ANK3: variants seen among roughly 807,000 people sequenced by gnomAD.
ANK3 encodes ankyrin 3.
ANK3 carries 57 observed loss-of-function variants against 370.9 expected under a neutral mutation model. The ratio of observed to expected loss-of-function variants is 0.15; its 90% CI spans 0.12 to 0.19. The LOEUF is 0.19. ANK3 is among the 10% of genes least tolerant of loss of function. The pLI is 1.00. For missense variants in ANK3, 4,439 were observed against 5,302.1 expected, an observed-to-expected ratio of 0.84 and a Z score of 5.06; for synonymous variants, 1,929 against 1,946.3, an observed-to-expected ratio of 0.99 and a Z score of 0.23.
At chr10:60,265,225 C>T (rs940792168) in intron 5 of ANK3, among the ~76,000 whole-genome samples, 6 of 152,080 alleles carry the variant, frequency 3.9e-5, no homozygotes, top group South Asian at 2.1e-4. Context: ...AAAAACTTAT[C>T]CCTCCTCATT....
intron 2 of ANK3, among the ~76,000 whole-genome samples, chr10:60,468,852 A>C (rs1358738252): frequency 6.6e-6 from 1 of 150,402 alleles, no homozygotes; most frequent in Non-Finnish European, 1.5e-5. Flanking sequence ...TGAAATACTG[A>C]GACAGACTTG....
In ANK3 at chr10:60,068,937, C is replaced by G. The variant is rs1395857885; in HGVS notation, c.11944G>C (p.Val3982Leu). 1 of 1,613,956 alleles carries G rather than the reference C, an allele frequency of 6.2e-7. No homozygotes were observed. Among genetic ancestry groups the G allele is most frequent in the South Asian group, 1.1e-5 (1 of 91,060 alleles). The change falls in exon 37 of 44, where the codon GTT becomes CTT. Residue 3982 changes from valine to leucine, a missense_variant. This residue lies in a region of ANK3 where 496 missense variants were observed against 529.3 expected (regional missense o/e 0.94). Transcript: ENST00000280772. ...TTTTTTTSCT[V>L]KVRKSQLKEV... The stretch of plus-strand genomic sequence containing the variant: ...TTGAGCTGACTTTTCCTAACTTTAA[C>G]TGTGCAGCTGGTGGTGGTGGTAGTG...
chr10:60,214,377 A>C (rs527299457), intron 8 of ANK3, among the ~76,000 whole-genome samples: 2 of 152,232 alleles, frequency 1.3e-5, no homozygotes, highest in African/African-American at 4.8e-5. Flanking sequence ...TTGTCTTTAA[A>C]ATCTTTTTGA....
intron 1 of ANK3, among the ~76,000 whole-genome samples, chr10:60,321,317 G>A (rs753673636): frequency 5.9e-5 from 9 of 151,328 alleles, no homozygotes; most frequent in African/African-American, 2.2e-4. Flanking sequence ...GAACTTGGCC[G>A]CTCAAGGCTA....
intron 1 of ANK3, among the ~76,000 whole-genome samples, chr10:60,346,564 C>T (rs1356814212): frequency 6.6e-6 from 1 of 151,856 alleles, no homozygotes; most frequent in African/African-American, 2.4e-5. Flanking sequence ...AATAAACCTC[C>T]CATGTTAAGG....
intron 2 of ANK3, among the ~76,000 whole-genome samples, chr10:60,435,695 CACTAATCT>C: frequency 6.6e-6 from 1 of 152,338 alleles, no homozygotes; most frequent in South Asian, 2.1e-4. Context: ...CCTGGTCAAC[CACTAATCT>C]ACTTTCTGTC....
chr10:60,062,985 G>T, intron 40 of ANK3, 126 bp downstream of exon 40: 1 of 964,724 alleles, frequency 1.0e-6, no homozygotes, highest in Non-Finnish European at 1.5e-6. Flanking sequence ...GCAGACTCTG[G>T]CAGAGAAAAT....
intron 28 of ANK3, among the ~76,000 whole-genome samples, chr10:60,103,719 C>A (rs1275400146): frequency 6.6e-6 from 1 of 152,142 alleles, no homozygotes; most frequent in Non-Finnish European, 1.5e-5. Context: ...TAGTGGACTC[C>A]AGTACTTGAT....
intron 2 of ANK3, among the ~76,000 whole-genome samples, chr10:60,514,632 C>A (rs1324323887): frequency 1.3e-5 from 2 of 152,006 alleles, no homozygotes; most frequent in Admixed American, 6.6e-5. Flanking sequence ...ATAGGAAAAA[C>A]ACAAAGCAAA....
At chr10:60,660,813 C>T (rs760247560) in intron 1 of ANK3, among the ~76,000 whole-genome samples, 3 of 151,886 alleles carry the variant, frequency 2.0e-5, no homozygotes, top group Non-Finnish European at 4.4e-5. Flanking sequence ...ATTGTATGAG[C>T]TCAACAGTGT....
At chr10:60,465,589 A>G (rs1019843633) in intron 2 of ANK3, among the ~76,000 whole-genome samples, 58 of 152,304 alleles carry the variant, frequency 3.8e-4, no homozygotes, top group African/African-American at 1.3e-3. Flanking sequence ...TGAGTAAGAA[A>G]GTGTGACTAG....
At position 60,088,328 on chromosome 10, in the gene ANK3, T is replaced by C; in HGVS notation, c.3359A>G (p.Lys1120Arg). The C allele has an allele frequency of 1.2e-6, 2 of 1,614,104 alleles. No homozygotes were observed. Among genetic ancestry groups the C allele is most frequent in the Non-Finnish European group, 1.7e-6 (2 of 1,179,948 alleles). Residue 1120 changes from lysine (K) to arginine (R), a missense_variant, in exon 29 of 44, where the codon AAG becomes AGG. Physicochemically the swap from Lys to Arg is conservative, Grantham distance 26. Transcript: ENST00000280772. ...TTTCGTGATAATCCTGCAGATACGC[T>C]TTTTCCCTAACTCTTCTGGGCTATC... is the stretch of plus-strand genomic sequence containing the variant. ...ELDSPEELGKKRICRIITKDF... is the reference protein window; with the variant it reads ...ELDSPEELGKRRICRIITKDF...
At chr10:60,532,776 G>A (rs2076636202) in intron 2 of ANK3, among the ~76,000 whole-genome samples, 1 of 152,236 alleles carries the variant, frequency 6.6e-6, no homozygotes, top group African/African-American at 2.4e-5. Flanking sequence ...TGATCACCAA[G>A]TATAATAAAT....
intron 1 of ANK3, among the ~76,000 whole-genome samples, chr10:60,292,354 T>C (rs1226373830): frequency 6.6e-6 from 1 of 151,904 alleles, no homozygotes; most frequent in Non-Finnish European, 1.5e-5. Flanking sequence ...TAGTAATATC[T>C]TGCTCTGGAA....
At chr10:60,306,268 C>T (rs1376316841) in intron 1 of ANK3, among the ~76,000 whole-genome samples, 1 of 151,994 alleles carries the variant, frequency 6.6e-6, no homozygotes, top group Non-Finnish European at 1.5e-5. Flanking sequence ...TTGTGTCCAT[C>T]ATAGCTTAGC....
intron 21 of ANK3, among the ~76,000 whole-genome samples, chr10:60,168,194 T>C (rs2095675986): frequency 1.3e-5 from 2 of 152,048 alleles, no homozygotes; most frequent in Admixed American, 1.3e-4. Context: ...CCCAGCTAAT[T>C]TTTGTATTTT....
At chr10:60,393,495 G>A (rs77173454), upstream of ANK3, among the ~76,000 whole-genome samples, 14,135 of 152,090 alleles carry the variant, frequency 0.093, 769 homozygotes, top group South Asian at 0.13. Context: ...TCCATGTTGG[G>A]CATATGGAGT....
chr10:60,601,031 A>G (rs1176869784), intron 2 of ANK3, among the ~76,000 whole-genome samples: 1 of 152,166 alleles, frequency 6.6e-6, no homozygotes, highest in African/African-American at 2.4e-5. Context: ...GTATGAAGGG[A>G]GAGGTTAGAT....
intron 2 of ANK3, among the ~76,000 whole-genome samples, chr10:60,488,189 A>G (rs2075399231): frequency 6.6e-6 from 1 of 152,080 alleles, no homozygotes; most frequent in African/African-American, 2.4e-5. Flanking sequence ...TGCCATTTGG[A>G]TTTTCTTTGC....
Sources: gnomAD v4.1 joint callset for allele counts (sites outside exome capture counted in the v4.1 genomes callset) on GRCh38, gnomAD v4.1.1 for gene constraint, gnomAD v4.1.1 regional missense constraint, MANE v1.5 for transcripts, NCBI Gene and HGNC (gene_info 2026-07-23, HGNC 2026-07-21) for gene names.